ZC3H4: variants seen among roughly 807,000 people sequenced by gnomAD.
The protein encoded by ZC3H4 is zinc finger CCCH domain-containing protein 4.
ZC3H4 carries 13 observed loss-of-function variants against 108.3 expected under a neutral mutation model. That is an observed-to-expected ratio of 0.12 (90% CI 0.08 to 0.19). The LOEUF (loss-of-function observed/expected upper bound fraction) is 0.19. Ranked by LOEUF, ZC3H4 falls within the 10% of genes least tolerant of loss-of-function variation. The pLI, the probability that ZC3H4 is intolerant of heterozygous loss-of-function variation, is 1.00. For missense variants in ZC3H4, 1,734 were observed against 1,838.8 expected, an observed-to-expected ratio of 0.94 and a Z score of 1.04; for synonymous variants, 917 against 749.6, an observed-to-expected ratio of 1.22 and a Z score of -3.65.
Position 47,072,162 on chromosome 19 carries a change from G to T in ZC3H4, c.1803-41C>A. 6.7e-7 allele frequency: 1 copy of T among 1,481,530 alleles called. No homozygotes were observed. Among genetic ancestry groups the T allele is most frequent in the South Asian group, 1.4e-5 (1 of 72,206 alleles). The allele number at this position is 1,481,530 out of a possible 1,614,324, so 91.8% of individuals were successfully genotyped here. On this transcript the variant is annotated intron_variant, in intron 12 of 14. Coordinates refer to ENST00000253048, the MANE Select transcript of ZC3H4 (RefSeq NM_015168.2). This position sits in a 1 kb window ranked among gnomAD's most constrained non-coding sequence, Gnocchi z 5.6. ...GGTGCCTGTGACGGAAGCTGCCGAG[G>T]AGGGCAGTGGCCACACCCCAGAGGA...
At chr19:47,092,086 T>G (rs1191789737) in intron 4 of ZC3H4, among the ~76,000 whole-genome samples, 1 of 151,304 alleles carries the variant, frequency 6.6e-6, no homozygotes, top group African/African-American at 2.4e-5. Flanking sequence ...GGCCCATGGT[T>G]CCAGCTACTT....
intron 2 of ZC3H4, among the ~76,000 whole-genome samples, chr19:47,106,972 G>A (rs2057975716): frequency 6.6e-6 from 1 of 152,172 alleles, no homozygotes; most frequent in Non-Finnish European, 1.5e-5. Flanking sequence ...TAGATCCCTG[G>A]CTTCCCAGTT....
chr19:47,071,868 G>C lies in ZC3H4; in HGVS notation c.2056C>G (p.Pro686Ala), dbSNP rs1017415451. 8 of 1,613,302 alleles carry C rather than the reference G, an allele frequency of 5.0e-6. No individual in the cohort carries two copies. In the African/African-American group the frequency reaches 5.3e-5, roughly 11 times the overall value. ...PGDSPHSGMM[P>A]PIPPAQNFYE... ...AAGTTCTGGGCTGGCGGGATAGGGG[G>C]CATCATTCCAGAATGTGGGGAGTCT... Residue 686 changes from proline (P) to alanine (A), a missense_variant, in exon 13 of 15, where the codon CCC (proline) becomes GCC (alanine). Coordinates refer to ENST00000253048, the MANE Select transcript of ZC3H4 (RefSeq NM_015168.2).
chr19:47,087,214 T>C (rs1373349716), intron 5 of ZC3H4, among the ~76,000 whole-genome samples: 2 of 151,106 alleles, frequency 1.3e-5, no homozygotes, highest in African/African-American at 4.9e-5. Context: ...AGGCAGAGGC[T>C]GCAGTAAGCT....
At chr19:47,096,757 G>C in intron 2 of ZC3H4, 6 of 967,252 alleles carry the variant, frequency 6.2e-6, no homozygotes, top group Non-Finnish European at 7.4e-6. Flanking sequence ...CACCACCCAG[G>C]CCACTAATAT....
intron 10 of ZC3H4, 55 bp from the exon 11 acceptor site, chr19:47,081,677 C>A (rs536853212): frequency 1.4e-6 from 2 of 1,449,048 alleles, no homozygotes; most frequent in African/African-American, 2.8e-5. Context: ...CCCTCCCCCA[C>A]CACAGACCCA....
chr19:47,098,501 A>AC (rs1253168452), intron 2 of ZC3H4, among the ~76,000 whole-genome samples: 2 of 150,726 alleles, frequency 1.3e-5, no homozygotes, highest in Non-Finnish European at 3.0e-5. Context: ...AAAAAAAAAA[A>AC]AAAACTAATC....
rs554356047 is a variant in ZC3H4, at chr19:47,079,092, C to T, written c.1440+2421G>A. Among the ~76,000 whole-genome samples the T allele has an allele frequency of 3.9e-3, 584 of 149,066 alleles. 5 individuals are homozygous for T. The highest frequency in any genetic ancestry group is 6.2e-3 in the Non-Finnish European group (416 of 67,266). On this transcript the variant is annotated intron_variant, in intron 11 of 14. Coordinates refer to ENST00000253048, the MANE Select transcript of ZC3H4 (RefSeq NM_015168.2). ...TTGCCCAGGCTGGAGTGCAATGGCA[C>T]GATCTCAGCTCACCGCAACCACCGC...
In ZC3H4 at chr19:47,066,558, G is replaced by A. The variant is rs1424474391; in HGVS notation, c.3710C>T (p.Pro1237Leu). The A allele has an allele frequency of 6.3e-7, 1 of 1,577,458 alleles. No individual in the cohort carries two copies. The highest frequency in any genetic ancestry group is 1.7e-5 in the Admixed American group (1 of 57,720). The change falls in exon 15 of 15, where the codon CCC (proline) becomes CTC (leucine). Residue 1237 changes from proline to leucine, a missense_variant. This residue lies in a region of ZC3H4 where 518 missense variants were observed against 499.6 expected (regional missense o/e 1.04). Coordinates refer to ENST00000253048, the MANE Select transcript of ZC3H4 (RefSeq NM_015168.2). ...GGGCTGGGGTGGGGCACCCTCGGGG[G>A]GTGGGGTGGCGGTGGTGGCAGCGGG... ...AAPAATTATP[P>L]PEGAPPQPGV...
At position 47,072,914 on chromosome 19, in the gene ZC3H4, GA is replaced by G. The variant is rs1332231996; in HGVS notation, c.1441-202del. ...CTCCACTCTCGGGGACCAGCTGGTA[GA>G]GGGGGGGCCATTCCTGCTCTATGGC... On this transcript the variant is annotated intron_variant, in intron 11 of 14. Transcript: ENST00000253048. This position sits in a 1 kb window ranked among gnomAD's most constrained non-coding sequence, Gnocchi z 5.6. Among the ~76,000 whole-genome samples, 2 of 152,166 alleles carry G rather than the reference GA, an allele frequency of 1.3e-5. No homozygotes were observed. Among genetic ancestry groups the G allele is most frequent in the Non-Finnish European group, 2.9e-5 (2 of 68,018 alleles).
Position 47,066,293 on chromosome 19 carries a change from C to G in ZC3H4, c.*63G>C. Reference sequence around the variant, plus strand: ...CTCCCCTTGCCCCCAAGTTCCCTACCCTGGGTGCTGCCCTGAATGCCACCC... The same window carrying G: ...CTCCCCTTGCCCCCAAGTTCCCTACGCTGGGTGCTGCCCTGAATGCCACCC... On this transcript the variant is annotated 3_prime_UTR_variant, in exon 15 of 15. Transcript: ENST00000253048. 1.4e-6 allele frequency: 2 copies of G among 1,387,400 alleles called. No homozygotes were observed. The highest frequency in any genetic ancestry group is 1.5e-5 in the African/African-American group (1 of 67,888). The allele number at this position is 1,387,400 out of a possible 1,614,324, so 85.9% of individuals were successfully genotyped here.
chr19:47,066,415 C>T lies in ZC3H4; in HGVS notation c.3853G>A (p.Ala1285Thr), dbSNP rs866072951. The stretch of plus-strand genomic sequence containing the variant: ...CCTTTAAAAACATCCTTCAGGGATG[C>T]CGCATCCTGCTCACCCTCGCGGGCC... Reference protein sequence around the residue: ...SPAREGEQDAASLKDVFKGFD... With the variant: ...SPAREGEQDATSLKDVFKGFD... The change falls in exon 15 of 15, where the codon GCA (alanine) becomes ACA (threonine). Residue 1285 changes from alanine (A) to threonine (T), a missense_variant. Ala to Thr is a moderately conservative substitution (Grantham distance 58). Around this residue, in one of 9 missense-constraint regions of ZC3H4, gnomAD observed 518 missense variants for 499.6 expected, o/e 1.04. Transcript: ENST00000253048. 1.9e-6 allele frequency: 3 copies of T among 1,570,832 alleles called. No homozygotes were observed. The highest frequency in any genetic ancestry group is 1.7e-6 in the Non-Finnish European group (2 of 1,160,580).
In ZC3H4 at chr19:47,112,540, C is replaced by G; in HGVS notation, c.45G>C (p.Ser15=). 9.5e-7 allele frequency: 1 copy of G among 1,051,904 alleles called. No homozygotes were observed. The highest frequency in any genetic ancestry group is 1.2e-6 in the Non-Finnish European group (1 of 817,908). The allele number at this position is 1,051,904 out of a possible 1,614,324, so 65.2% of individuals were successfully genotyped here. The change falls in exon 2 of 15, where the codon TCG becomes TCC. Residue 15 remains serine (S), a synonymous_variant. Transcript: ENST00000253048. ...GCGGCGGCGGCGATGGCGGCGGCGGCGACTCTGATGGCGGCGGCGGGGGGG... is the reference window on the plus strand; with the variant it reads ...GCGGCGGCGGCGATGGCGGCGGCGGGGACTCTGATGGCGGCGGCGGGGGGG... ...PGTPPPPPSE[S]PPPPSPPPPS... is the part of the protein sequence containing the mutation.
chr19:47,109,725 T>G (rs879320816), intron 2 of ZC3H4, among the ~76,000 whole-genome samples: 8 of 152,168 alleles, frequency 5.3e-5, no homozygotes, highest in Non-Finnish European at 1.2e-4. Flanking sequence ...CATCTACATG[T>G]GCGTGACCTT....
Position 47,072,915 on chromosome 19 carries a change from A to AG in ZC3H4, c.1441-203dup, listed in dbSNP as rs537690289. On this transcript the variant is annotated intron_variant, in intron 11 of 14. Coordinates refer to ENST00000253048, the MANE Select transcript of ZC3H4 (RefSeq NM_015168.2). This position sits in a 1 kb window ranked among gnomAD's most constrained non-coding sequence, Gnocchi z 5.6. Reference sequence around the variant, plus strand: ...TCCACTCTCGGGGACCAGCTGGTAGAGGGGGGGCCATTCCTGCTCTATGGC... The same window carrying AG: ...TCCACTCTCGGGGACCAGCTGGTAGAGGGGGGGGCCATTCCTGCTCTATGGC... Among the ~76,000 whole-genome samples, 4 of 152,212 alleles carry AG rather than the reference A, an allele frequency of 2.6e-5. No homozygotes were observed. The highest frequency in any genetic ancestry group is 4.2e-4 in the South Asian group (2 of 4,818).
In ZC3H4 at chr19:47,066,363, CA is replaced by C. The variant is rs1310776753; in HGVS notation, c.3904del (p.Cys1302AlafsTer25). ...KGFDPTASPF[C>X]Q ...CGCAGCTCTGGCTGGACACTACTGG[CA>C]AAAGGGGGAGGCCGTGGGGTCGAAG... On this transcript the variant is annotated frameshift_variant, in exon 15 of 15. Transcript: ENST00000253048. LOFTEE classifies it high-confidence loss of function. 3.9e-6 allele frequency: 6 copies of C among 1,548,518 alleles called. No homozygotes were observed. The highest frequency in any genetic ancestry group is 2.5e-5 in the South Asian group (2 of 80,636).
At chr19:47,109,771 T>C (rs992332458) in intron 2 of ZC3H4, among the ~76,000 whole-genome samples, 4 of 152,208 alleles carry the variant, frequency 2.6e-5, no homozygotes, top group African/African-American at 9.7e-5. Flanking sequence ...AAAACGGTTC[T>C]TTTGGAGAGG....
intron 11 of ZC3H4, among the ~76,000 whole-genome samples, chr19:47,075,217 A>G (rs2057398610): frequency 6.6e-6 from 1 of 152,108 alleles, no homozygotes; most frequent in Admixed American, 6.5e-5. Flanking sequence ...CTGATATTCC[A>G]GGGGTGGTCA....
intron 2 of ZC3H4, among the ~76,000 whole-genome samples, chr19:47,095,373 C>G (rs746301741): frequency 6.6e-5 from 10 of 152,224 alleles, no homozygotes; most frequent in Non-Finnish European, 1.0e-4. Flanking sequence ...TCGTCAGTCC[C>G]ACACCTCTAG....
Sources: allele counts gnomAD v4.1 joint callset (sites outside exome capture counted in the v4.1 genomes callset), GRCh38; gene constraint gnomAD v4.1.1; regional missense constraint gnomAD v4.1.1; non-coding constraint Gnocchi (gnomAD v3.1); transcripts MANE v1.5; gene names NCBI Gene and HGNC (gene_info 2026-07-23, HGNC 2026-07-21).